SLC2A12: variants seen among roughly 807,000 people sequenced by gnomAD.
SLC2A12 encodes the protein solute carrier family 2 member 12, also known as solute carrier family 2, facilitated glucose transporter member 12.
A neutral mutation model predicts 41.8 loss-of-function variants in SLC2A12; 23 were observed. The ratio of observed to expected loss-of-function variants is 0.55; its 90% CI spans 0.40 to 0.78. The LOEUF (loss-of-function observed/expected upper bound fraction) is 0.78. Among genes scored for constraint, SLC2A12 ranks in the 30% least tolerant of loss-of-function variants. The pLI, the probability that SLC2A12 is intolerant of heterozygous loss-of-function variation, is 0.00. For missense variants in SLC2A12, 654 were observed against 745.6 expected (o/e 0.88, Z 1.43); for synonymous variants, 295 against 285.9 (o/e 1.03, Z -0.32).
At chr6:134,008,117 A>G (rs1776836531) in intron 2 of SLC2A12, among the ~76,000 whole-genome samples, 1 of 152,172 alleles carries the variant, frequency 6.6e-6, no homozygotes, top group African/African-American at 2.4e-5. Context: ...CAATTACATA[A>G]TTTTATCCCA....
chr6:134,009,324 C>G (rs1252535219), intron 2 of SLC2A12: 1 of 152,112 alleles, frequency 6.6e-6, no homozygotes, highest in African/African-American at 2.4e-5. Context: ...AGTCTCTGTT[C>G]GAAAGGAAAC....
intron 2 of SLC2A12, among the ~76,000 whole-genome samples, chr6:134,019,207 A>T (rs1405187826): frequency 6.6e-6 from 1 of 152,224 alleles, no homozygotes; most frequent in Non-Finnish European, 1.5e-5. Context: ...AATAATTATT[A>T]TAAAAAAAAC....
chr6:134,027,094 G>A (rs539753742), intron 2 of SLC2A12, among the ~76,000 whole-genome samples: 33 of 152,326 alleles, frequency 2.2e-4, no homozygotes, highest in African/African-American at 7.7e-4. Flanking sequence ...AGAGAGTATA[G>A]CTCAGTCCAT....
Position 133,991,064 on chromosome 6 carries a change from AAG to A in SLC2A12, c.*89_*90del, listed in dbSNP as rs1330671198. 41 of 1,419,594 alleles carry A rather than the reference AAG, an allele frequency of 2.9e-5. No individual in the cohort carries two copies. The highest frequency in any genetic ancestry group is 1.3e-4 in the South Asian group (9 of 67,180). 87.9% of individuals were successfully genotyped at this position (1,419,594 alleles called of 1,614,324 possible). ...TCAAAACCAGTTCCATGACACTGAAAAGAGAGCACAGGAGTCGCAACTATGCA... is the reference window on the plus strand; with the variant it reads ...TCAAAACCAGTTCCATGACACTGAAAAGAGCACAGGAGTCGCAACTATGCA... On this transcript the variant is annotated 3_prime_UTR_variant, in exon 5 of 5. Transcript: ENST00000275230.
At chr6:134,032,126 G>A (rs1050408128) in intron 1 of SLC2A12, among the ~76,000 whole-genome samples, 1 of 151,858 alleles carries the variant, frequency 6.6e-6, no homozygotes, top group Non-Finnish European at 1.5e-5. Flanking sequence ...AAATAAAGGT[G>A]ATCTAAAGCT....
intron 1 of SLC2A12, among the ~76,000 whole-genome samples, chr6:134,040,905 G>C (rs974140863): frequency 6.6e-6 from 1 of 152,214 alleles, no homozygotes; most frequent in Admixed American, 6.5e-5. Flanking sequence ...TTCAGTGTCT[G>C]ACACACCTTA....
intron 2 of SLC2A12, among the ~76,000 whole-genome samples, chr6:134,020,974 C>T (rs1403110472): frequency 6.6e-6 from 1 of 152,134 alleles, no homozygotes; most frequent in African/African-American, 2.4e-5. Context: ...ATATTGTGTC[C>T]AAAATTCTCG....
chr6:133,997,776 G>A (rs1000815831), intron 4 of SLC2A12, among the ~76,000 whole-genome samples: 4 of 151,964 alleles, frequency 2.6e-5, no homozygotes, highest in Non-Finnish European at 4.4e-5. Flanking sequence ...TAACAAACCT[G>A]CACATGTAGC....
intron 2 of SLC2A12, among the ~76,000 whole-genome samples, chr6:134,022,894 C>T (rs977886745): frequency 6.6e-6 from 1 of 152,174 alleles, no homozygotes; most frequent in African/African-American, 2.4e-5. Context: ...TCCCTCAAGA[C>T]GGCAGTATTC....
chr6:134,051,213 A>G (rs915928396), intron 1 of SLC2A12, among the ~76,000 whole-genome samples: 11 of 152,156 alleles, frequency 7.2e-5, no homozygotes, highest in South Asian at 4.1e-4. Flanking sequence ...GGCATGAGCC[A>G]CCACGCCCGG....
chr6:134,026,866 C>T (rs764804180), intron 2 of SLC2A12, among the ~76,000 whole-genome samples: 6 of 152,198 alleles, frequency 3.9e-5, no homozygotes, highest in South Asian at 4.1e-4. Flanking sequence ...CAAAGAGCAG[C>T]GTCAATCAGA....
intron 1 of SLC2A12, among the ~76,000 whole-genome samples, chr6:134,036,434 G>GC (rs1037752636): frequency 1.3e-5 from 2 of 152,006 alleles, no homozygotes; most frequent in African/African-American, 4.8e-5. Context: ...GCATTATCTT[G>GC]CCCCCGGCTC....
chr6:133,990,850 T>TA lies in SLC2A12; in HGVS notation c.*304dup, dbSNP rs1481661432. 2 of 232,672 alleles carry TA rather than the reference T, an allele frequency of 8.6e-6. No homozygotes were observed. Among genetic ancestry groups the TA allele is most frequent in the African/African-American group, 2.3e-5 (1 of 44,340 alleles). 14.4% of individuals were successfully genotyped at this position (232,672 alleles called of 1,614,324 possible). A position where few individuals can be genotyped will look rare whatever the true frequency, so the allele number is the denominator to read the frequency against. On this transcript the variant is annotated 3_prime_UTR_variant, in exon 5 of 5. Transcript: ENST00000275230. ...GGAGGTTGATGTCTTCACTAGGACA[T>TA]AGTCTATTCAAAGGCTGCTCTGTGA...
At chr6:134,035,875 T>C (rs1340558751) in intron 1 of SLC2A12, among the ~76,000 whole-genome samples, 1 of 152,206 alleles carries the variant, frequency 6.6e-6, no homozygotes, top group African/African-American at 2.4e-5. Flanking sequence ...TGCAAACAGG[T>C]GCTGAGACCT....
Position 134,006,926 on chromosome 6 carries a change from G to A in SLC2A12, c.1453C>T (p.Leu485=), listed in dbSNP as rs777087434. ...FSIGLGPMPW[L]VLSEIFPGGI... ...CCAGGAAAGATCTCGCTGAGCACCA[G>A]CCAGGGCACTAGAAGAAAGGCAAGA... Residue 485 remains leucine, a synonymous_variant, in exon 3 of 5, where the codon CTG becomes TTG. Coordinates refer to ENST00000275230, the MANE Select transcript of SLC2A12 (RefSeq NM_145176.3). The A allele has an allele frequency of 1.9e-6, 3 of 1,614,082 alleles. No homozygotes were observed. Among genetic ancestry groups the A allele is most frequent in the Non-Finnish European group, 2.5e-6 (3 of 1,179,986 alleles).
rs550748968 is a variant in SLC2A12 at position 134,020,024 on chromosome 6, C to CAA, written c.1444+8355_1444+8356dup. Among the ~76,000 whole-genome samples the CAA allele has an allele frequency of 8.9e-4, 71 of 79,988 alleles. 1 individual carries two copies. The South Asian group carries it at 0.011, about 12-fold the overall frequency. 52.5% of individuals were successfully genotyped at this position (79,988 alleles called of 152,430 possible). A position where few individuals can be genotyped will look rare whatever the true frequency, so the allele number is the denominator to read the frequency against. ...TGGGCAACAGAGTGAGATTCCATCT[C>CAA]AAAAAAAAAAAAAAAAAAGTATGTA... is the stretch of plus-strand genomic sequence containing the variant. On this transcript the variant is annotated intron_variant, in intron 2 of 4. Transcript: ENST00000275230.
At chr6:134,017,575 G>A (rs1025073616) in intron 2 of SLC2A12, among the ~76,000 whole-genome samples, 2 of 151,926 alleles carry the variant, frequency 1.3e-5, no homozygotes, top group Non-Finnish European at 2.9e-5. Context: ...CATTTAGGCC[G>A]GGCACGGTGA....
intron 1 of SLC2A12, among the ~76,000 whole-genome samples, chr6:134,034,063 A>G (rs77520699): frequency 0.021 from 3,181 of 152,314 alleles, 63 homozygotes; most frequent in South Asian, 0.099. Context: ...CCCATGGAGT[A>G]TAATTCTTCA....
intron 1 of SLC2A12, among the ~76,000 whole-genome samples, chr6:134,035,419 G>GCC (rs10686427): frequency 0.058 from 8,724 of 151,510 alleles, 513 homozygotes; most frequent in African/African-American, 0.15. Context: ...AGGAAGAAAT[G>GCC]CCACACAGTG....
Sources: gnomAD v4.1 joint callset for allele counts (sites outside exome capture counted in the v4.1 genomes callset) on GRCh38, gnomAD v4.1.1 for gene constraint, MANE v1.5 for transcripts, NCBI Gene and HGNC (gene_info 2026-07-23, HGNC 2026-07-21) for gene names.